Variants in AGBL3 observed in about 807,000 individuals in gnomAD.
AGBL3 encodes the protein cytosolic carboxypeptidase 3.
Under a neutral mutation model 94.5 loss-of-function variants are expected in AGBL3, and 68 were observed. That is an observed-to-expected ratio of 0.72 (90% CI 0.59 to 0.88). The LOEUF is 0.88. Ranked by LOEUF, AGBL3 falls within the 40% of genes least tolerant of loss-of-function variation. AGBL3 has a pLI of 0.00. For synonymous variants in AGBL3, 354 were observed against 370.7 expected (o/e 0.95, Z 0.52); for missense variants, 934 against 1,103.8 (o/e 0.85, Z 2.18).
chr7:135,102,626 T>G (rs948816186), intron 15 of AGBL3, among the ~76,000 whole-genome samples: 15 of 38,148 alleles, frequency 3.9e-4, no homozygotes, highest in Admixed American at 2.0e-3. Context: ...TCTCTTGTGG[T>G]TTTTTTTTTT....
intron 15 of AGBL3, among the ~76,000 whole-genome samples, chr7:135,085,011 C>T (rs911446395): frequency 6.6e-6 from 1 of 151,980 alleles, no homozygotes; most frequent in African/African-American, 2.4e-5. Flanking sequence ...TACTTGTTAT[C>T]TTTTATCTTT....
At chr7:135,070,780 G>A (rs1423997286) in intron 12 of AGBL3, among the ~76,000 whole-genome samples, 2 of 151,974 alleles carry the variant, frequency 1.3e-5, no homozygotes, top group Admixed American at 1.3e-4. Flanking sequence ...TACTGAATGG[G>A]CAAAAACTGG....
intron 5 of AGBL3, among the ~76,000 whole-genome samples, chr7:135,030,676 ACT>A (rs1444047149): frequency 2.7e-5 from 4 of 150,506 alleles, no homozygotes; most frequent in African/African-American, 9.8e-5. Flanking sequence ...TTTCCATACC[ACT>A]CTTTCTTTCA....
At chr7:135,055,538 T>C (rs541250230) in intron 11 of AGBL3, among the ~76,000 whole-genome samples, 1 of 152,348 alleles carries the variant, frequency 6.6e-6, no homozygotes, top group East Asian at 1.9e-4. Flanking sequence ...TTTTCTGCTT[T>C]AGCCTGTTAA....
intron 12 of AGBL3, among the ~76,000 whole-genome samples, chr7:135,071,543 G>A (rs1349575803): frequency 6.6e-6 from 1 of 152,112 alleles, no homozygotes; most frequent in Non-Finnish European, 1.5e-5. Flanking sequence ...AAAACAGCAT[G>A]GTACTGGTAC....
chr7:135,127,582 C>A (rs1430786093), intron 16 of AGBL3, among the ~76,000 whole-genome samples: 5 of 150,940 alleles, frequency 3.3e-5, no homozygotes, highest in Non-Finnish European at 7.4e-5. Flanking sequence ...CATCACTGAT[C>A]ACACTGATCA....
In AGBL3 at chr7:135,070,211, T is replaced by G. The variant is rs1490408881; in HGVS notation, c.1909-6186T>G. Among the ~76,000 whole-genome samples the G allele has an allele frequency of 3.3e-5, 5 of 152,212 alleles. No homozygotes were observed. In the East Asian group the frequency reaches 5.8e-4, roughly 18 times the overall value. On this transcript the variant is annotated intron_variant, in intron 12 of 16. Coordinates refer to ENST00000436302, the MANE Select transcript of AGBL3 (RefSeq NM_178563.4). Reference sequence around the variant, plus strand: ...ATCTCTGGATAGACCAATAACAGGCTCTGAAATGGAGGCAATAATTAATAG... The same window carrying G: ...ATCTCTGGATAGACCAATAACAGGCGCTGAAATGGAGGCAATAATTAATAG...
rs775534165 is a variant in AGBL3, at chr7:135,115,450, T to C, written c.2181T>C (p.Asn727=). ...TCCAAAGCAAGAAGACTGGCATAAATTGGACAGATGATGAAAAAAGAAGCT... is the reference window on the plus strand; with the variant it reads ...TCCAAAGCAAGAAGACTGGCATAAACTGGACAGATGATGAAAAAAGAAGCT... ...ISFQSKKTGI[N]WTDDEKRSYK... Residue 727 remains asparagine, a synonymous_variant, in exon 16 of 17, where the codon AAT becomes AAC. Transcript: ENST00000436302. The C allele has an allele frequency of 1.3e-6, 2 of 1,551,338 alleles. No individual in the cohort carries two copies. Among genetic ancestry groups the C allele is most frequent in the Non-Finnish European group, 1.7e-6 (2 of 1,146,784 alleles).
At chr7:135,064,366 G>A (rs538351087) in intron 12 of AGBL3, among the ~76,000 whole-genome samples, 1 of 152,308 alleles carries the variant, frequency 6.6e-6, no homozygotes, top group East Asian at 1.9e-4. Flanking sequence ...AGCCTGGTAG[G>A]CTTCGGACTT....
At chr7:135,127,931 C>A (rs1380692868) in intron 16 of AGBL3, among the ~76,000 whole-genome samples, 1 of 152,118 alleles carries the variant, frequency 6.6e-6, no homozygotes, top group Non-Finnish European at 1.5e-5. Context: ...AACCCAAATA[C>A]CCATCAGTGA....
chr7:135,034,896 T>G lies in AGBL3; in HGVS notation c.1305T>G (p.Pro435=). 6.5e-7 allele frequency: 1 copy of G among 1,543,228 alleles called. No homozygotes were observed. Among genetic ancestry groups the G allele is most frequent in the African/African-American group, 1.4e-5 (1 of 73,014 alleles). The part of the protein sequence containing the change: ...NYTSLLKESF[P]SVWYTRNMVH... ...CATCTCTCCTGAAGGAATCTTTTCC[T>G]TCTGTATGGTATACCCGGAACATGG... is the stretch of plus-strand genomic sequence containing the variant. The change falls in exon 7 of 17, where the codon CCT becomes CCG. Residue 435 remains proline, a synonymous_variant. Coordinates refer to ENST00000436302, the MANE Select transcript of AGBL3 (RefSeq NM_178563.4).
At chr7:135,025,471 T>C (rs1303287261) in intron 5 of AGBL3, among the ~76,000 whole-genome samples, 1 of 151,612 alleles carries the variant, frequency 6.6e-6, no homozygotes, top group Non-Finnish European at 1.5e-5. Flanking sequence ...AATAAAAGAA[T>C]GATACCTGCT....
intron 16 of AGBL3, among the ~76,000 whole-genome samples, chr7:135,116,598 T>TG (rs1386582026): frequency 1.3e-5 from 2 of 152,142 alleles, no homozygotes; most frequent in African/African-American, 4.8e-5. Flanking sequence ...AATGACACCC[T>TG]GGGGGAGGAG....
At chr7:135,112,966 AG>A (rs1825851540) in intron 15 of AGBL3, among the ~76,000 whole-genome samples, 1 of 152,072 alleles carries the variant, frequency 6.6e-6, no homozygotes, top group Admixed American at 6.5e-5. Flanking sequence ...TAGTAGAGAC[AG>A]GGTTTCACCC....
chr7:135,134,786 A>C (rs1829249757), intron 16 of AGBL3, 55 bp from the exon 17 acceptor site: 2 of 1,432,888 alleles, frequency 1.4e-6, no homozygotes, highest in Non-Finnish European at 1.9e-6. Context: ...CATACCTAGG[A>C]CTACAAAGTA....
chr7:135,034,832 G>C lies in AGBL3; in HGVS notation c.1241G>C (p.Arg414Pro). The C allele has an allele frequency of 1.9e-6, 3 of 1,551,880 alleles. No individual in the cohort carries two copies. Among genetic ancestry groups the C allele is most frequent in the Non-Finnish European group, 2.6e-6 (3 of 1,147,060 alleles). The change falls in exon 7 of 17, where the codon CGC (arginine) becomes CCC (proline). Residue 414 changes from arginine (R) to proline (P), a missense_variant. Arg to Pro is a moderately radical substitution (Grantham distance 103). Around this residue, in one of 3 missense-constraint regions of AGBL3, gnomAD observed 488 missense variants for 563.6 expected, o/e 0.87. Coordinates refer to ENST00000436302, the MANE Select transcript of AGBL3 (RefSeq NM_178563.4). Reference sequence around the variant, plus strand: ...GATGGTGTGATTGTGGGAAATTATCGCTGTTCCTTAGCTGGACGGGATTTA... The same window carrying C: ...GATGGTGTGATTGTGGGAAATTATCCCTGTTCCTTAGCTGGACGGGATTTA... ...NPDGVIVGNYRCSLAGRDLNR... is the reference protein window; with the variant it reads ...NPDGVIVGNYPCSLAGRDLNR...
chr7:135,010,494 A>C (rs1813010261), intron 4 of AGBL3: 1 of 154,936 alleles, frequency 6.5e-6, no homozygotes, highest in African/African-American at 2.4e-5. Flanking sequence ...TTTGCTATAG[A>C]GGACATTATT....
intron 12 of AGBL3, among the ~76,000 whole-genome samples, chr7:135,073,569 C>T (rs1211442316): frequency 6.6e-6 from 1 of 152,000 alleles, no homozygotes; most frequent in Non-Finnish European, 1.5e-5. Context: ...CCCTCAGACA[C>T]CAAGTTAAAG....
intron 15 of AGBL3, among the ~76,000 whole-genome samples, chr7:135,084,576 T>C (rs1821180233): frequency 6.6e-6 from 1 of 152,180 alleles, no homozygotes; most frequent in Non-Finnish European, 1.5e-5. Flanking sequence ...CTTCTACATA[T>C]GAATGAGAAC....
Sources: allele counts gnomAD v4.1 joint callset (sites outside exome capture counted in the v4.1 genomes callset), GRCh38; gene constraint gnomAD v4.1.1; regional missense constraint gnomAD v4.1.1; transcripts MANE v1.5; gene names NCBI Gene and HGNC (gene_info 2026-07-23, HGNC 2026-07-21).